The following ACVR1C variants were observed in gnomAD, a reference collection of about 807,000 sequenced individuals.
ACVR1C encodes the protein activin receptor type-1C.
ACVR1C carries 23 observed loss-of-function variants against 57.9 expected under a neutral mutation model. That is an observed-to-expected ratio of 0.40 (90% CI 0.29 to 0.56). The LOEUF (loss-of-function observed/expected upper bound fraction) is 0.56, where lower values mean the gene tolerates loss of function less well. Ranked by LOEUF, ACVR1C falls within the 20% of genes least tolerant of loss-of-function variation. The pLI is 0.50. For missense variants in ACVR1C, 480 were observed against 607.9 expected (o/e 0.79, Z 2.21); for synonymous variants, 214 against 215.3 (o/e 0.99, Z 0.05).
At chr2:157,577,324 A>G (rs1228221959) in intron 2 of ACVR1C, among the ~76,000 whole-genome samples, 1 of 152,200 alleles carries the variant, frequency 6.6e-6, no homozygotes, top group Non-Finnish European at 1.5e-5. Context: ...AAAAAAATCT[A>G]CTGTAATATC....
chr2:157,576,830 A>ATTTTTTTTTTTT (rs1688665585), intron 2 of ACVR1C, among the ~76,000 whole-genome samples: 1 of 68,304 alleles, frequency 1.5e-5, no homozygotes, highest in African/African-American at 7.2e-5. Context: ...GGGCTTTGAA[A>ATTTTTTTTTTTT]TTTTCTTTTT....
At chr2:157,626,451 C>T (rs990238445) in intron 1 of ACVR1C, among the ~76,000 whole-genome samples, 1 of 152,192 alleles carries the variant, frequency 6.6e-6, no homozygotes, top group African/African-American at 2.4e-5. Flanking sequence ...TATTTAAAGT[C>T]GTAGGCCTGC....
chr2:157,550,070 T>C, intron 4 of ACVR1C, 92 bp downstream of exon 4: 1 of 1,055,768 alleles, frequency 9.5e-7, no homozygotes. Flanking sequence ...TTATTTTTTC[T>C]TATCTGATAC....
intron 2 of ACVR1C, among the ~76,000 whole-genome samples, chr2:157,562,598 G>A (rs1436436180): frequency 2.0e-5 from 3 of 151,896 alleles, no homozygotes; most frequent in African/African-American, 7.3e-5. Flanking sequence ...TGAAAAGGAG[G>A]GACTCCTCCC....
intron 2 of ACVR1C, among the ~76,000 whole-genome samples, chr2:157,573,167 G>T (rs914301789): frequency 1.3e-5 from 2 of 151,992 alleles, no homozygotes; most frequent in African/African-American, 4.8e-5. Context: ...TAATGTTTTG[G>T]CAGTTTATCT....
chr2:157,566,618 G>A (rs1394734339), intron 2 of ACVR1C, among the ~76,000 whole-genome samples: 2 of 151,980 alleles, frequency 1.3e-5, no homozygotes, highest in African/African-American at 2.4e-5. Context: ...CTGGAAAATC[G>A]GGTCACTCCC....
intron 1 of ACVR1C, among the ~76,000 whole-genome samples, chr2:157,604,782 T>G (rs1682356950): frequency 6.6e-6 from 1 of 151,886 alleles, no homozygotes; most frequent in Non-Finnish European, 1.5e-5. Context: ...TTCATTATAT[T>G]TTTTGGATAC....
intron 2 of ACVR1C, among the ~76,000 whole-genome samples, chr2:157,573,540 G>A (rs1688573927): frequency 1.3e-5 from 2 of 151,898 alleles, no homozygotes; most frequent in Non-Finnish European, 2.9e-5. Flanking sequence ...GAAATTTGAA[G>A]GGTTTTTTTT....
Position 157,532,739 on chromosome 2 carries a change from C to G in ACVR1C, c.*1179G>C, listed in dbSNP as rs1687386574. ...GTAGAGGAATATCTATTTGCTGTTT[C>G]TGATACCGTCTGTAGGGTTTGGTTG... is the stretch of plus-strand genomic sequence containing the variant. On this transcript the variant is annotated 3_prime_UTR_variant, in exon 9 of 9. Coordinates refer to ENST00000243349, the MANE Select transcript of ACVR1C (RefSeq NM_145259.3). The G allele has an allele frequency of 6.6e-6, 1 of 152,104 alleles. No individual in the cohort carries two copies. Among genetic ancestry groups the G allele is most frequent in the Admixed American group, 6.6e-5 (1 of 15,246 alleles). 9.4% of individuals were successfully genotyped at this position (152,104 alleles called of 1,614,324 possible).
rs533396172 is a variant in ACVR1C, at chr2:157,603,911, C to CA, written c.74-16495dup. On this transcript the variant is annotated intron_variant, in intron 1 of 8. Transcript: ENST00000243349. Reference sequence around the variant, plus strand: ...GAATTAATGTTATAACTGCATATGGCAAAAAAATAGTACAGGAAGAATTTA... The same window carrying CA: ...GAATTAATGTTATAACTGCATATGGCAAAAAAAATAGTACAGGAAGAATTTA... Among the ~76,000 whole-genome samples, 529 of 151,956 alleles carry CA rather than the reference C, an allele frequency of 3.5e-3. 2 individuals carry two copies. The highest frequency in any genetic ancestry group is 6.3e-3 in the Non-Finnish European group (428 of 67,866).
intron 1 of ACVR1C, among the ~76,000 whole-genome samples, chr2:157,599,516 A>T (rs931128541): frequency 6.6e-6 from 1 of 152,020 alleles, no homozygotes; most frequent in Admixed American, 6.6e-5. Flanking sequence ...CCAGAAATTC[A>T]CTTGGCAATG....
chr2:157,550,050 A>T (rs1687878138), intron 4 of ACVR1C, 112 bp downstream of exon 4: 2 of 792,694 alleles, frequency 2.5e-6, no homozygotes, highest in African/African-American at 1.8e-5. Context: ...AAAAAAAAGA[A>T]GAGGTGAATT....
In ACVR1C at chr2:157,620,232, T is replaced by C. The variant is rs550911647; in HGVS notation, c.73+8340A>G. 7.9e-5 allele frequency among the ~76,000 whole-genome samples: 12 copies of C among 152,240 alleles called. No individual in the cohort carries two copies. In the South Asian group the frequency reaches 1.9e-3, roughly 24 times the overall value. On this transcript the variant is annotated intron_variant, in intron 1 of 8. Transcript: ENST00000243349. ...TCTTCTGCTAATTATATAATTATTC[T>C]GTATTCAACCTGTCAAATTTTGTGT...
chr2:157,564,409 T>C (rs758344048), intron 2 of ACVR1C, among the ~76,000 whole-genome samples: 16 of 152,206 alleles, frequency 1.1e-4, no homozygotes, highest in Admixed American at 2.6e-4. Flanking sequence ...CACAATGAGA[T>C]ACCATCTCAT....
At chr2:157,555,159 C>T (rs1200814008) in intron 3 of ACVR1C, among the ~76,000 whole-genome samples, 5 of 126,298 alleles carry the variant, frequency 4.0e-5, no homozygotes, top group African/African-American at 9.9e-5. Context: ...TCACCCAGGC[C>T]GGACTGCGGA....
intron 1 of ACVR1C, among the ~76,000 whole-genome samples, chr2:157,588,847 C>CTA (rs1688989221): frequency 7.2e-5 from 2 of 27,970 alleles, no homozygotes; most frequent in Non-Finnish European, 1.5e-4. Flanking sequence ...CACAAACACA[C>CTA]CATATATATA....
intron 1 of ACVR1C, among the ~76,000 whole-genome samples, chr2:157,607,440 T>C (rs113764584): frequency 6.6e-6 from 1 of 151,906 alleles, no homozygotes; most frequent in African/African-American, 2.4e-5. Context: ...AGAATTGTTT[T>C]GGTTATCTGG....
intron 1 of ACVR1C, among the ~76,000 whole-genome samples, chr2:157,617,262 T>C (rs1682675425): frequency 1.3e-5 from 2 of 152,098 alleles, no homozygotes. Flanking sequence ...TGTAAATGTG[T>C]ATGTGCCTAA....
At chr2:157,574,489 C>T (rs914296435) in intron 2 of ACVR1C, among the ~76,000 whole-genome samples, 9 of 152,204 alleles carry the variant, frequency 5.9e-5, no homozygotes, top group African/African-American at 1.9e-4. Flanking sequence ...CATATTTAGA[C>T]CATAGCAGAC....
Sources: allele counts gnomAD v4.1 joint callset (sites outside exome capture counted in the v4.1 genomes callset), GRCh38; gene constraint gnomAD v4.1.1; transcripts MANE v1.5; gene names NCBI Gene and HGNC (gene_info 2026-07-23, HGNC 2026-07-21).